WWOX: variants seen among roughly 807,000 people sequenced by gnomAD.
WWOX encodes WW domain containing oxidoreductase.
WWOX carries 69 observed loss-of-function variants against 46.2 expected under a neutral mutation model. The ratio of observed to expected loss-of-function variants is 1.49; its 90% CI spans 1.23 to 1.82. The LOEUF (loss-of-function observed/expected upper bound fraction) is 1.82, where lower values mean the gene tolerates loss of function less well. Among genes scored for constraint, WWOX ranks in the 40% most tolerant of loss-of-function variants. The pLI is 0.00. For synonymous variants in WWOX, 359 were observed against 202.6 expected (o/e 1.77, Z -6.56); for missense variants, 919 against 542.6 (o/e 1.69, Z -6.89).
intron 4 of WWOX, among the ~76,000 whole-genome samples, chr16:78,128,602 C>A (rs1193768394): frequency 1.3e-5 from 2 of 152,162 alleles, no homozygotes; most frequent in Non-Finnish European, 2.9e-5. Context: ...ATGCTCCTTG[C>A]TTATATAACA....
intron 8 of WWOX, among the ~76,000 whole-genome samples, chr16:78,519,133 T>C (rs961059312): frequency 2.0e-5 from 3 of 152,164 alleles, no homozygotes; most frequent in African/African-American, 7.2e-5. Flanking sequence ...CTGTGTGGCT[T>C]TTGTGCAGGT....
intron 8 of WWOX, among the ~76,000 whole-genome samples, chr16:78,812,181 G>A (rs886445447): frequency 1.3e-5 from 2 of 151,756 alleles, no homozygotes; most frequent in African/African-American, 2.4e-5. Context: ...GTCCTAACTT[G>A]GCACTGTATC....
At chr16:79,211,364 C>G (rs866173491) in intron 8 of WWOX, among the ~76,000 whole-genome samples, 39 of 152,142 alleles carry the variant, frequency 2.6e-4, no homozygotes, top group African/African-American at 8.9e-4. Flanking sequence ...AAGCCTGTCC[C>G]TGTATGAGGT....
chr16:78,178,219 T>C (rs886637084), intron 5 of WWOX, among the ~76,000 whole-genome samples: 5 of 152,162 alleles, frequency 3.3e-5, no homozygotes, highest in African/African-American at 1.2e-4. Flanking sequence ...TTAGGGCAGA[T>C]TCAAACCTCA....
intron 8 of WWOX, among the ~76,000 whole-genome samples, chr16:79,071,152 A>G (rs1056958535): frequency 6.6e-6 from 1 of 152,186 alleles, no homozygotes; most frequent in African/African-American, 2.4e-5. Context: ...GCAGTTTTTA[A>G]TCAAATGTAT....
At chr16:79,010,456 C>T (rs1032552135) in intron 8 of WWOX, among the ~76,000 whole-genome samples, 34 of 152,148 alleles carry the variant, frequency 2.2e-4, no homozygotes, top group Admixed American at 1.8e-3. Flanking sequence ...CAGGGCATCC[C>T]TGACCAATCC....
At chr16:79,123,156 C>T (rs969585621) in intron 8 of WWOX, among the ~76,000 whole-genome samples, 3 of 152,170 alleles carry the variant, frequency 2.0e-5, no homozygotes, top group Admixed American at 2.0e-4. Flanking sequence ...ACAGAGTACC[C>T]ACTAGTGAGA....
At chr16:78,524,567 T>A (rs2043418287) in intron 8 of WWOX, among the ~76,000 whole-genome samples, 1 of 151,778 alleles carries the variant, frequency 6.6e-6, no homozygotes, top group South Asian at 2.1e-4. Flanking sequence ...ATTACAGTTG[T>A]GCACCACCAG....
chr16:79,121,442 C>G (rs2049629564), intron 8 of WWOX, among the ~76,000 whole-genome samples: 1 of 152,212 alleles, frequency 6.6e-6, no homozygotes. Context: ...AGATGGAATT[C>G]TAAGGTCCGA....
chr16:78,605,917 C>G (rs189166187), intron 8 of WWOX, among the ~76,000 whole-genome samples: 2 of 152,266 alleles, frequency 1.3e-5, no homozygotes, highest in African/African-American at 4.8e-5. Flanking sequence ...TTGCATGGAG[C>G]AAGAAGCTGA....
intron 4 of WWOX, among the ~76,000 whole-genome samples, chr16:78,125,244 G>C (rs1274919026): frequency 6.6e-6 from 1 of 152,160 alleles, no homozygotes; most frequent in Non-Finnish European, 1.5e-5. Context: ...AAAGGAAAGA[G>C]AAGGGAGGTG....
At chr16:78,572,071 G>A (rs2044729124) in intron 8 of WWOX, among the ~76,000 whole-genome samples, 1 of 152,150 alleles carries the variant, frequency 6.6e-6, no homozygotes, top group African/African-American at 2.4e-5. Flanking sequence ...ATGCAATTTG[G>A]TTCCTATAAA....
At chr16:78,809,960 T>G (rs929773299) in intron 8 of WWOX, among the ~76,000 whole-genome samples, 4 of 152,206 alleles carry the variant, frequency 2.6e-5, no homozygotes, top group African/African-American at 9.6e-5. Flanking sequence ...ACCCTTGGTA[T>G]CCTGTTCATC....
chr16:78,583,079 C>A (rs2247294), intron 8 of WWOX, among the ~76,000 whole-genome samples: 1 of 152,088 alleles, frequency 6.6e-6, no homozygotes, highest in Admixed American at 6.5e-5. Flanking sequence ...GAGCAGAGCT[C>A]TTGAAGAAGA....
intron 8 of WWOX, among the ~76,000 whole-genome samples, chr16:78,501,269 A>T (rs1309017286): frequency 6.6e-6 from 1 of 150,854 alleles, no homozygotes; most frequent in Non-Finnish European, 1.5e-5. Flanking sequence ...AAAAATAAAT[A>T]AAAGCAGACC....
chr16:78,926,295 C>A (rs1349717206), intron 8 of WWOX, among the ~76,000 whole-genome samples: 1 of 151,830 alleles, frequency 6.6e-6, no homozygotes, highest in African/African-American at 2.4e-5. Flanking sequence ...ATATCCTGAG[C>A]CCAGGAGGTG....
chr16:78,311,790 C>G (rs4073180), intron 5 of WWOX, among the ~76,000 whole-genome samples: 12,015 of 44,596 alleles, frequency 0.27, 847 homozygotes, highest in East Asian at 0.53. Context: ...AGCAGCCTGG[C>G]GGGGGGGTAT....
At chr16:78,848,571 T>C (rs2052359653) in intron 8 of WWOX, among the ~76,000 whole-genome samples, 1 of 152,142 alleles carries the variant, frequency 6.6e-6, no homozygotes, top group Non-Finnish European at 1.5e-5. Context: ...ACGGGGAACC[T>C]GGCCTGGTGT....
intron 8 of WWOX, among the ~76,000 whole-genome samples, chr16:78,983,557 A>G (rs2046724336): frequency 6.6e-6 from 1 of 152,148 alleles, no homozygotes; most frequent in South Asian, 2.1e-4. Flanking sequence ...GTGGGGCTAA[A>G]TGTTCAGCCT....
Sources: allele counts gnomAD v4.1 joint callset (sites outside exome capture counted in the v4.1 genomes callset), GRCh38; gene constraint gnomAD v4.1.1; transcripts MANE v1.5; gene names NCBI Gene and HGNC (gene_info 2026-07-23, HGNC 2026-07-21).